Variants in CADPS2 observed in about 807,000 individuals in gnomAD.
The protein encoded by CADPS2 is calcium-dependent secretion activator 2.
CADPS2 carries 93 observed loss-of-function variants against 172.5 expected under a neutral mutation model. The ratio of observed to expected loss-of-function variants is 0.54; its 90% confidence interval spans 0.46 to 0.64. The LOEUF is 0.64. CADPS2 is among the 30% of genes least tolerant of loss of function. CADPS2 has a pLI of 0.00. For missense variants in CADPS2, 1,420 were observed against 1,565.9 expected (o/e 0.91, Z 1.57); for synonymous variants, 546 against 555.2 (o/e 0.98, Z 0.23).
chr7:122,389,613 C>T (rs1361767501), intron 22 of CADPS2, among the ~76,000 whole-genome samples: 1 of 151,786 alleles, frequency 6.6e-6, no homozygotes, highest in African/African-American at 2.4e-5. Context: ...AGTACATAGG[C>T]TAATACAGAA....
intron 2 of CADPS2, among the ~76,000 whole-genome samples, chr7:122,710,622 G>C (rs2088546255): frequency 6.6e-6 from 1 of 151,798 alleles, no homozygotes. Flanking sequence ...TCAATAAATG[G>C]GCCTTCCTTC....
intron 1 of CADPS2, among the ~76,000 whole-genome samples, chr7:122,743,270 G>GA (rs1268966216): frequency 1.3e-5 from 2 of 152,156 alleles, no homozygotes; most frequent in East Asian, 1.9e-4. Context: ...ACTGCCACCA[G>GA]AAAAAACACT....
chr7:122,527,617 A>AGAGAGAGTGT, intron 8 of CADPS2, among the ~76,000 whole-genome samples: 50 of 83,880 alleles, frequency 6.0e-4, no homozygotes, highest in Non-Finnish European at 9.1e-4. Context: ...AGAGAGAGAG[A>AGAGAGAGTGT]GTGTGTGTGT....
At chr7:122,565,152 C>T (rs979598181) in intron 7 of CADPS2, among the ~76,000 whole-genome samples, 4 of 151,478 alleles carry the variant, frequency 2.6e-5, no homozygotes, top group Admixed American at 2.6e-4. Context: ...GTAATGGGTA[C>T]ACTAAAAGCC....
chr7:122,629,937 A>AC (rs1554675493), intron 3 of CADPS2, among the ~76,000 whole-genome samples: 4 of 151,900 alleles, frequency 2.6e-5, no homozygotes, highest in Non-Finnish European at 5.9e-5. Context: ...TGCTCTCATC[A>AC]TTTTTTTTAG....
chr7:122,323,119 C>T (rs973509114), intron 29 of CADPS2, among the ~76,000 whole-genome samples: 6 of 152,110 alleles, frequency 3.9e-5, no homozygotes, highest in African/African-American at 1.2e-4. Flanking sequence ...GGCTAAAAGT[C>T]TGTTTATATT....
chr7:122,502,998 A>G (rs2059331106), intron 9 of CADPS2, among the ~76,000 whole-genome samples: 2 of 151,766 alleles, frequency 1.3e-5, no homozygotes, highest in African/African-American at 2.4e-5. Context: ...CTGGGAAAGC[A>G]CAATAGAAAT....
intron 17 of CADPS2, among the ~76,000 whole-genome samples, 186 bp downstream of exon 17, chr7:122,438,155 C>T (rs2050885531): frequency 6.6e-6 from 1 of 152,060 alleles, no homozygotes. Flanking sequence ...AGCAGAGTCC[C>T]AGGAGGCATA....
At chr7:122,866,853 G>A (rs974316332) in intron 1 of CADPS2, among the ~76,000 whole-genome samples, 7 of 152,020 alleles carry the variant, frequency 4.6e-5, no homozygotes, top group Non-Finnish European at 8.8e-5. Flanking sequence ...CCTAAATTCC[G>A]AACATCTTAC....
intron 8 of CADPS2, among the ~76,000 whole-genome samples, chr7:122,518,722 T>C (rs1037380230): frequency 1.3e-5 from 2 of 151,982 alleles, no homozygotes; most frequent in Non-Finnish European, 2.9e-5. Context: ...GGTATGTAAA[T>C]GAGACCTGCC....
At chr7:122,390,291 C>A (rs1470322626) in intron 22 of CADPS2, among the ~76,000 whole-genome samples, 1 of 152,030 alleles carries the variant, frequency 6.6e-6, no homozygotes, top group African/African-American at 2.4e-5. Flanking sequence ...AAAAACACTA[C>A]CTTTATTTCT....
At chr7:122,621,108 C>T (rs1362373503) in intron 5 of CADPS2, among the ~76,000 whole-genome samples, 1 of 151,874 alleles carries the variant, frequency 6.6e-6, no homozygotes, top group South Asian at 2.1e-4. Context: ...CACTATGTTG[C>T]CTAGGCTGGT....
At chr7:122,392,357 T>A (rs2044478423) in intron 22 of CADPS2, among the ~76,000 whole-genome samples, 2 of 152,030 alleles carry the variant, frequency 1.3e-5, no homozygotes, top group South Asian at 4.1e-4. Context: ...GTACTAATAA[T>A]TTACTGAGAG....
At chr7:122,784,573 G>T (rs894763430) in intron 1 of CADPS2, among the ~76,000 whole-genome samples, 1 of 152,178 alleles carries the variant, frequency 6.6e-6, no homozygotes, top group Non-Finnish European at 1.5e-5. Context: ...GCAGGAAAAT[G>T]ATATAAGTTG....
chr7:122,793,337 T>C (rs1377737116), intron 1 of CADPS2, among the ~76,000 whole-genome samples: 4 of 152,194 alleles, frequency 2.6e-5, no homozygotes, highest in Non-Finnish European at 5.9e-5. Context: ...ACATTTAAGA[T>C]AGTGAGAGCT....
intron 3 of CADPS2, among the ~76,000 whole-genome samples, chr7:122,658,252 G>A (rs1484540353): frequency 3.3e-5 from 5 of 152,186 alleles, no homozygotes; most frequent in Admixed American, 6.5e-5. Flanking sequence ...AGGTGCTGGA[G>A]AGGATGTGGA....
chr7:122,427,150 TTTTTCTTTTTTC>T (rs1049662994), intron 17 of CADPS2: 5 of 147,440 alleles, frequency 3.4e-5, no homozygotes, highest in African/African-American at 5.2e-5. Flanking sequence ...GTGTTTTAAC[TTTTTCTTTTTTC>T]TTTTCTTTTT....
intron 9 of CADPS2, among the ~76,000 whole-genome samples, chr7:122,492,110 T>G (rs2058342283): frequency 6.6e-6 from 1 of 151,790 alleles, no homozygotes; most frequent in African/African-American, 2.4e-5. Context: ...AGGCTGAGGT[T>G]GTAGTGAGAC....
chr7:122,737,938 C>T (rs939890759), intron 1 of CADPS2, among the ~76,000 whole-genome samples: 2 of 152,072 alleles, frequency 1.3e-5, no homozygotes, highest in Non-Finnish European at 2.9e-5. Context: ...CATGAACAAA[C>T]ATACATCAAT....
Sources: allele counts gnomAD v4.1 joint callset (sites outside exome capture counted in the v4.1 genomes callset), GRCh38; gene constraint gnomAD v4.1.1; transcripts MANE v1.5; gene names NCBI Gene and HGNC (gene_info 2026-07-23, HGNC 2026-07-21).